The following NEDD4 variants were observed in gnomAD, a reference collection of about 807,000 sequenced individuals.
NEDD4 encodes the protein NEDD4 E3 ubiquitin protein ligase.
A neutral mutation model predicts 144.9 loss-of-function variants in NEDD4; 99 were observed. The ratio of observed to expected loss-of-function variants is 0.68; its 90% CI spans 0.58 to 0.81. The LOEUF (loss-of-function observed/expected upper bound fraction) is 0.81. NEDD4 is among the 30% of genes least tolerant of loss of function. The pLI is 0.00. For missense variants in NEDD4, 985 were observed against 1,065.9 expected, an observed-to-expected ratio of 0.92 and a Z score of 1.06; for synonymous variants, 318 against 350.6, an observed-to-expected ratio of 0.91 and a Z score of 1.04.
At chr15:55,990,994 A>C (rs2037981432) in intron 1 of NEDD4, among the ~76,000 whole-genome samples, 1 of 152,244 alleles carries the variant, frequency 6.6e-6, no homozygotes, top group Non-Finnish European at 1.5e-5. Flanking sequence ...AAAGTGAGAG[A>C]AAGGTATTAT....
chr15:55,967,764 T>G (rs568791336), intron 1 of NEDD4, among the ~76,000 whole-genome samples: 1 of 152,116 alleles, frequency 6.6e-6, no homozygotes, highest in Non-Finnish European at 1.5e-5. Context: ...CACACACCTA[T>G]TATCACAGCA....
intron 13 of NEDD4, among the ~76,000 whole-genome samples, chr15:55,851,502 G>T (rs577201825): frequency 6.6e-6 from 1 of 150,992 alleles, no homozygotes; most frequent in Non-Finnish European, 1.5e-5. Flanking sequence ...TTCAGATGGA[G>T]TTTCGCTCTT....
chr15:55,989,781 C>T (rs144866037), intron 1 of NEDD4, among the ~76,000 whole-genome samples: 26 of 152,184 alleles, frequency 1.7e-4, no homozygotes, highest in African/African-American at 5.8e-4. Context: ...TTTGGAAGAG[C>T]TGGAAGAGTA....
At chr15:55,965,901 CT>C (rs1379840147) in intron 2 of NEDD4, among the ~76,000 whole-genome samples, 2 of 152,124 alleles carry the variant, frequency 1.3e-5, no homozygotes, top group African/African-American at 4.8e-5. Context: ...ATCCGCCTGC[CT>C]CGGCCTCCCA....
chr15:55,908,614 C>G (rs1392974231), intron 5 of NEDD4, among the ~76,000 whole-genome samples: 2 of 152,184 alleles, frequency 1.3e-5, no homozygotes, highest in African/African-American at 4.8e-5. Flanking sequence ...CATTCTGAGA[C>G]CTACTGAACC....
At chr15:55,942,718 C>T (rs189103036) in intron 4 of NEDD4, among the ~76,000 whole-genome samples, 1 of 152,192 alleles carries the variant, frequency 6.6e-6, no homozygotes, top group Admixed American at 6.5e-5. Context: ...CAAACTAATA[C>T]AGAAAATTGG....
intron 5 of NEDD4, among the ~76,000 whole-genome samples, chr15:55,913,463 C>A (rs2036338391): frequency 6.6e-6 from 1 of 151,984 alleles, no homozygotes; most frequent in African/African-American, 2.4e-5. Flanking sequence ...TTAGATATAG[C>A]ATAAATTAAA....
At chr15:55,920,966 T>C (rs776029426) in intron 5 of NEDD4, among the ~76,000 whole-genome samples, 6 of 152,164 alleles carry the variant, frequency 3.9e-5, no homozygotes, top group African/African-American at 9.7e-5. Flanking sequence ...AAAGCTGTAT[T>C]TCCCACTCAT....
chr15:55,830,462 G>C, intron 28 of NEDD4, 52 bp downstream of exon 28: 1 of 1,489,446 alleles, frequency 6.7e-7, no homozygotes, highest in Non-Finnish European at 9.4e-7. Flanking sequence ...GACTAACAGA[G>C]GAATCTCACT....
At chr15:55,841,825 C>A in intron 19 of NEDD4, 109 bp downstream of exon 19, 1 of 849,402 alleles carries the variant, frequency 1.2e-6, no homozygotes, top group Non-Finnish European at 1.9e-6. Flanking sequence ...CCCGCCTCGG[C>A]CTCCCAAAGT....
chr15:55,957,673 G>A (rs2037359490), intron 2 of NEDD4, among the ~76,000 whole-genome samples: 1 of 152,176 alleles, frequency 6.6e-6, no homozygotes, highest in South Asian at 2.1e-4. Context: ...ACATGCACAT[G>A]TATGTTTATT....
At chr15:55,951,979 G>T (rs1019569062) in intron 2 of NEDD4, among the ~76,000 whole-genome samples, 3 of 151,370 alleles carry the variant, frequency 2.0e-5, no homozygotes, top group African/African-American at 7.3e-5. Flanking sequence ...TCTCATGGGT[G>T]TAAACTCTTC....
At chr15:55,850,055 C>A (rs1475983540) in intron 14 of NEDD4, among the ~76,000 whole-genome samples, 2 of 152,164 alleles carry the variant, frequency 1.3e-5, no homozygotes, top group African/African-American at 4.8e-5. Flanking sequence ...CCCTCGGCCT[C>A]CCAAAGTGCT....
chr15:55,888,140 T>C lies in NEDD4; in HGVS notation c.292-14132A>G, dbSNP rs193071237. 3.4e-3 allele frequency among the ~76,000 whole-genome samples: 521 copies of C among 151,464 alleles called. 12 individuals are homozygous for C. Among genetic ancestry groups the C allele is most frequent in the Admixed American group, 0.029 (442 of 15,044 alleles). ...GTAAGGGAAGTCCTAGCTACAGCAA[T>C]CAGGCAAGAAAAAGAAATAAGGGGC... is the stretch of plus-strand genomic sequence containing the variant. On this transcript the variant is annotated intron_variant, in intron 5 of 28. Coordinates refer to ENST00000435532, the MANE Select transcript of NEDD4 (RefSeq NM_006154.4).
chr15:55,893,086 T>C (rs944478885), intron 5 of NEDD4, among the ~76,000 whole-genome samples: 1 of 152,286 alleles, frequency 6.6e-6, no homozygotes, highest in Admixed American at 6.5e-5. Flanking sequence ...TAGTGATTAA[T>C]TGGATGCTAC....
At chr15:55,875,950 G>A (rs991366749) in intron 5 of NEDD4, among the ~76,000 whole-genome samples, 1 of 152,066 alleles carries the variant, frequency 6.6e-6, no homozygotes, top group Non-Finnish European at 1.5e-5. Context: ...AAGAAAACAT[G>A]GGTAGGCACA....
Position 55,856,121 on chromosome 15 carries a change from T to A in NEDD4, c.1026+10A>T. The A allele has an allele frequency of 1.2e-6, 2 of 1,608,818 alleles. No homozygotes were observed. Among genetic ancestry groups the A allele is most frequent in the Non-Finnish European group, 1.7e-6 (2 of 1,175,444 alleles). On this transcript the variant is annotated intron_variant, in intron 12 of 28. Transcript: ENST00000435532. ...ATTTTTATTGATTGATGGGAGAGGG[T>A]AAAACTCACCACAGGAAGTGTAGGT...
chr15:55,966,348 TA>T, intron 2 of NEDD4, 124 bp downstream of exon 2: 4 of 593,316 alleles, frequency 6.7e-6, no homozygotes, highest in Non-Finnish European at 1.2e-5. Context: ...CAACTGGTAA[TA>T]TTATTATTAT....
chr15:55,983,811 A>G (rs2037846185), intron 1 of NEDD4, among the ~76,000 whole-genome samples: 1 of 151,922 alleles, frequency 6.6e-6, no homozygotes, highest in Admixed American at 6.6e-5. Context: ...GGGTTTCACC[A>G]TGTTGGCCAG....
Sources: gnomAD v4.1 joint callset for allele counts (sites outside exome capture counted in the v4.1 genomes callset) on GRCh38, gnomAD v4.1.1 for gene constraint, MANE v1.5 for transcripts, NCBI Gene and HGNC (gene_info 2026-07-23, HGNC 2026-07-21) for gene names.